Variants in YPEL2 observed in about 807,000 individuals in gnomAD.
YPEL2 encodes the protein protein yippee-like 2.
In YPEL2, 2 loss-of-function variants were observed where a neutral mutation model predicts 19.1. The ratio of observed to expected loss-of-function variants is 0.10; its 90% CI spans 0.04 to 0.33. The LOEUF is 0.33. YPEL2 is among the 10% of genes least tolerant of loss of function. The probability of loss-of-function intolerance (pLI) is 1.00; values close to 1 mark genes in which losing one functional copy is unlikely to be tolerated. For missense variants in YPEL2, 66 were observed against 140.7 expected (o/e 0.47, Z 2.68); for synonymous variants, 52 against 50.0 (o/e 1.04, Z -0.17).
intron 1 of YPEL2, among the ~76,000 whole-genome samples, chr17:59,337,938 C>G (rs925189540): frequency 1.3e-5 from 2 of 152,208 alleles, no homozygotes; most frequent in Non-Finnish European, 2.9e-5. Flanking sequence ...TGGAATAATA[C>G]CAGCTCCTCA....
At chr17:59,366,779 T>G (rs1235998038) in intron 2 of YPEL2, among the ~76,000 whole-genome samples, 1 of 152,114 alleles carries the variant, frequency 6.6e-6, no homozygotes, top group South Asian at 2.1e-4. Flanking sequence ...CTAGGAAGCC[T>G]GAGGAGAGAG....
chr17:59,344,391 A>C (rs573641704), intron 1 of YPEL2, among the ~76,000 whole-genome samples: 1 of 152,212 alleles, frequency 6.6e-6, no homozygotes, highest in East Asian at 1.9e-4. Flanking sequence ...GAATCCAGAG[A>C]AACACAGTAA....
At chr17:59,361,388 G>A (rs1242082817) in intron 2 of YPEL2, among the ~76,000 whole-genome samples, 1 of 152,154 alleles carries the variant, frequency 6.6e-6, no homozygotes, top group Non-Finnish European at 1.5e-5. Context: ...CCTAGTTTGG[G>A]AGATAATAGA....
chr17:59,336,764 G>T (rs2047700477), intron 1 of YPEL2, among the ~76,000 whole-genome samples: 1 of 152,058 alleles, frequency 6.6e-6, no homozygotes, highest in African/African-American at 2.4e-5. Context: ...GACAGTGTGT[G>T]GTGGGGTCAG....
chr17:59,372,959 T>C (rs8070750), intron 2 of YPEL2, among the ~76,000 whole-genome samples: 99,498 of 152,142 alleles, frequency 0.65, 34,194 homozygotes, highest in African/African-American at 0.87. Flanking sequence ...CTGCAACCTC[T>C]GCCTCCCAGG....
In YPEL2 at chr17:59,381,300, G is replaced by A. The variant is rs578207177; in HGVS notation, c.118-7027G>A. On this transcript the variant is annotated intron_variant, in intron 2 of 4. Coordinates refer to ENST00000312655, the MANE Select transcript of YPEL2 (RefSeq NM_001005404.4). Reference sequence around the variant, plus strand: ...AGATGTTAGATGGTGTGGCAGGTGGGCGTCTGCTTTCCCCATCTCTCTCTG... The same window carrying A: ...AGATGTTAGATGGTGTGGCAGGTGGACGTCTGCTTTCCCCATCTCTCTCTG... Among the ~76,000 whole-genome samples, 6 of 152,304 alleles carry A rather than the reference G, an allele frequency of 3.9e-5. No homozygotes were observed. In the South Asian group the frequency reaches 1.2e-3, roughly 32 times the overall value.
At chr17:59,366,863 C>T (rs1279162443) in intron 2 of YPEL2, among the ~76,000 whole-genome samples, 1 of 152,018 alleles carries the variant, frequency 6.6e-6, no homozygotes, top group African/African-American at 2.4e-5. Context: ...CTTCCCGCAG[C>T]GGGAGAAAAA....
At chr17:59,359,184 A>C (rs940888305) in intron 2 of YPEL2, among the ~76,000 whole-genome samples, 2 of 152,120 alleles carry the variant, frequency 1.3e-5, no homozygotes, top group Non-Finnish European at 2.9e-5. Flanking sequence ...TTAGCCTCCC[A>C]AAGTGTTGGG....
chr17:59,358,910 T>C lies in YPEL2; in HGVS notation c.117+5384T>C, dbSNP rs1207396865. Among the ~76,000 whole-genome samples, 4 of 146,200 alleles carry C rather than the reference T, an allele frequency of 2.7e-5. No individual in the cohort carries two copies. In the East Asian group the frequency reaches 8.3e-4, roughly 31 times the overall value. ...GGCGTGAGCCACTGCACCTGGCCTT[T>C]TTTTTTTTCCTTTTTCTTTTTTTTT... is the stretch of plus-strand genomic sequence containing the variant. On this transcript the variant is annotated intron_variant, in intron 2 of 4. Coordinates refer to ENST00000312655, the MANE Select transcript of YPEL2 (RefSeq NM_001005404.4).
chr17:59,348,586 C>T (rs991719589), intron 1 of YPEL2, among the ~76,000 whole-genome samples: 3 of 152,212 alleles, frequency 2.0e-5, no homozygotes, highest in African/African-American at 7.2e-5. Flanking sequence ...CATAATATCT[C>T]ACATATTTTC....
chr17:59,392,890 T>TC (rs939963280), intron 4 of YPEL2, among the ~76,000 whole-genome samples: 1 of 152,136 alleles, frequency 6.6e-6, no homozygotes, highest in Non-Finnish European at 1.5e-5. Context: ...CCTCAGGTGA[T>TC]CCCCCCACCT....
chr17:59,352,809 A>G (rs1312163258), intron 1 of YPEL2, among the ~76,000 whole-genome samples: 2 of 151,928 alleles, frequency 1.3e-5, no homozygotes, highest in East Asian at 3.9e-4. Flanking sequence ...GATGTGGTGA[A>G]CCTCTAGAGG....
At chr17:59,383,054 G>GT (rs2047957897) in intron 2 of YPEL2, among the ~76,000 whole-genome samples, 1 of 152,134 alleles carries the variant, frequency 6.6e-6, no homozygotes, top group African/African-American at 2.4e-5. Flanking sequence ...GAAACTCTTT[G>GT]TTTGGAATAG....
At chr17:59,393,492 T>G (rs534424636) in intron 4 of YPEL2, among the ~76,000 whole-genome samples, 2 of 150,084 alleles carry the variant, frequency 1.3e-5, no homozygotes, top group East Asian at 1.9e-4. Flanking sequence ...TTATTTTATT[T>G]TATTTTTTAT....
chr17:59,366,979 G>A (rs1256257739), intron 2 of YPEL2, among the ~76,000 whole-genome samples: 1 of 152,186 alleles, frequency 6.6e-6, no homozygotes, highest in African/African-American at 2.4e-5. Flanking sequence ...GTGGGGGCAG[G>A]TGCTGGGTAA....
intron 1 of YPEL2, among the ~76,000 whole-genome samples, chr17:59,332,504 G>A (rs557592090): frequency 1.3e-5 from 2 of 152,144 alleles, no homozygotes; most frequent in Non-Finnish European, 2.9e-5. Flanking sequence ...GCGCCTCCCC[G>A]GAGCTGGCGC....
intron 2 of YPEL2, among the ~76,000 whole-genome samples, chr17:59,371,450 C>T (rs2147948548): frequency 6.6e-6 from 1 of 152,264 alleles, no homozygotes; most frequent in South Asian, 2.1e-4. Flanking sequence ...TCCGGCTTTA[C>T]CTTGGGGTGG....
intron 2 of YPEL2, among the ~76,000 whole-genome samples, chr17:59,360,647 G>T (rs926378557): frequency 3.3e-5 from 5 of 152,150 alleles, no homozygotes; most frequent in African/African-American, 1.2e-4. Flanking sequence ...GGAAGGGGTG[G>T]CAGGTGAATC....
At chr17:59,393,466 T>C (rs2048018619) in intron 4 of YPEL2, among the ~76,000 whole-genome samples, 1 of 150,476 alleles carries the variant, frequency 6.6e-6, no homozygotes, top group African/African-American at 2.4e-5. Flanking sequence ...GAAACTCATT[T>C]TCTTTTTTTT....
Sources: gnomAD v4.1 joint callset for allele counts (sites outside exome capture counted in the v4.1 genomes callset) on GRCh38, gnomAD v4.1.1 for gene constraint, MANE v1.5 for transcripts, NCBI Gene and HGNC (gene_info 2026-07-23, HGNC 2026-07-21) for gene names.